IFT81: variants seen among roughly 807,000 people sequenced by gnomAD.
IFT81 encodes intraflagellar transport 81, also known as intraflagellar transport protein 81 homolog.
In IFT81, 72 loss-of-function variants were observed where a neutral mutation model predicts 102.6. The observed-to-expected ratio is 0.70, with a 90% CI of 0.58 to 0.85. The LOEUF is 0.85. IFT81 is among the 40% of genes least tolerant of loss of function. The probability of loss-of-function intolerance (pLI) is 0.00; values close to 1 mark genes in which losing one functional copy is unlikely to be tolerated. For missense variants in IFT81, 723 were observed against 787.3 expected, an observed-to-expected ratio of 0.92 and a Z score of 0.98; for synonymous variants, 237 against 242.7, an observed-to-expected ratio of 0.98 and a Z score of 0.22.
intron 9 of IFT81, among the ~76,000 whole-genome samples, chr12:110,146,468 A>T (rs1895230174): frequency 6.6e-6 from 1 of 152,232 alleles, no homozygotes; most frequent in African/African-American, 2.4e-5. Context: ...ATAACTTCAG[A>T]TTTTTAGAAA....
rs771215887 is a variant in IFT81 at position 110,143,513 on chromosome 12, G to A, written c.913G>A (p.Gly305Ser). 3.9e-6 allele frequency: 6 copies of A among 1,553,426 alleles called. No individual in the cohort carries two copies. The highest frequency in any genetic ancestry group is 5.2e-6 in the Non-Finnish European group (6 of 1,161,182). Reference sequence around the variant, plus strand: ...AAAAGTAGTTTCAGAGCCAGCTATGGGCCATTCTGATCTTCTTGAACTTGA... The same window carrying A: ...AAAAGTAGTTTCAGAGCCAGCTATGAGCCATTCTGATCTTCTTGAACTTGA... ...LQKVVSEPAM[G>S]HSDLLELESK... The change falls in exon 9 of 19, where the codon GGC becomes AGC. Residue 305 changes from glycine (G) to serine (S), a missense_variant. Coordinates refer to ENST00000242591, the MANE Select transcript of IFT81 (RefSeq NM_014055.4).
chr12:110,180,970 C>T (rs1331189212), intron 12 of IFT81, among the ~76,000 whole-genome samples: 1 of 152,204 alleles, frequency 6.6e-6, no homozygotes, highest in African/African-American at 2.4e-5. Flanking sequence ...GTGTGGAAGT[C>T]TGCCTCCAGG....
In IFT81 at chr12:110,218,353, T is replaced by G; in HGVS notation, c.*127T>G. 3.1e-6 allele frequency: 2 copies of G among 635,820 alleles called. No homozygotes were observed. Among genetic ancestry groups the G allele is most frequent in the Non-Finnish European group, 5.0e-6 (2 of 398,472 alleles). 39.4% of individuals were successfully genotyped at this position (635,820 alleles called of 1,614,324 possible). On this transcript the variant is annotated 3_prime_UTR_variant, in exon 19 of 19. Coordinates refer to ENST00000242591, the MANE Select transcript of IFT81 (RefSeq NM_014055.4). ...TTCAGAAGAGCCATTCTTTATTAAG[T>G]TTTCATAGAAAATAATGTTAAGGTA...
chr12:110,162,012 CT>C, intron 10 of IFT81, among the ~76,000 whole-genome samples: 1 of 152,312 alleles, frequency 6.6e-6, no homozygotes, highest in Admixed American at 6.5e-5. Context: ...ATATAAAATG[CT>C]GCTAAGAGTA....
At position 110,171,453 on chromosome 12, in the gene IFT81, G is replaced by A. The variant is rs540386233; in HGVS notation, c.1188+8388G>A. ...TTTCATTTAATACAGATTTCTACCC[G>A]CATATATCATATCGATTATTACAGA... On this transcript the variant is annotated intron_variant, in intron 11 of 18. Coordinates refer to ENST00000242591, the MANE Select transcript of IFT81 (RefSeq NM_014055.4). 8.8e-4 allele frequency among the ~76,000 whole-genome samples: 133 copies of A among 151,986 alleles called. 1 individual carries two copies. Among genetic ancestry groups the A allele is most frequent in the Non-Finnish European group, 1.9e-4 (13 of 68,002 alleles).
intron 18 of IFT81, among the ~76,000 whole-genome samples, chr12:110,210,603 G>A (rs1174610183): frequency 6.6e-6 from 1 of 151,412 alleles, no homozygotes; most frequent in African/African-American, 2.4e-5. Context: ...GCCAGGCAAG[G>A]TGGCATGCAC....
At chr12:110,176,027 A>T (rs1347325087) in intron 11 of IFT81, among the ~76,000 whole-genome samples, 1 of 150,938 alleles carries the variant, frequency 6.6e-6, no homozygotes, top group Non-Finnish European at 1.5e-5. Flanking sequence ...CCACATTTTC[A>T]CCCTCTGTGT....
intron 5 of IFT81, among the ~76,000 whole-genome samples, chr12:110,133,953 C>A (rs1894331467): frequency 6.6e-6 from 1 of 152,084 alleles, no homozygotes; most frequent in South Asian, 2.1e-4. Context: ...TTTATTCGGA[C>A]AAATCATCAG....
intron 17 of IFT81, among the ~76,000 whole-genome samples, chr12:110,205,934 T>C (rs899535819): frequency 2.0e-4 from 31 of 152,226 alleles, no homozygotes; most frequent in African/African-American, 6.8e-4. Flanking sequence ...CATTTTTAAG[T>C]GTACAGTTCA....
intron 11 of IFT81, chr12:110,168,459 A>G (rs1566138014): frequency 2.1e-6 from 2 of 962,408 alleles, no homozygotes; most frequent in African/African-American, 1.8e-5. Flanking sequence ...TTGTTTGCCA[A>G]TTCAACACAT....
intron 13 of IFT81, among the ~76,000 whole-genome samples, chr12:110,192,414 ACG>A (rs1897838359): frequency 6.6e-6 from 1 of 152,182 alleles, no homozygotes; most frequent in Non-Finnish European, 1.5e-5. Context: ...TTGAGAACTG[ACG>A]TTTTGAATGA....
rs869063652 is a variant in IFT81 at position 110,215,436 on chromosome 12, CTCT to C, written c.1849-2591_1849-2589del. ...TGAATTCCTTTCTTTTCTTTTTCTT[CTCT>C]TCTTCTTCTTCTTCTTTTTTTTTTT... On this transcript the variant is annotated intron_variant, in intron 18 of 18. Transcript: ENST00000242591. 4.3e-3 allele frequency among the ~76,000 whole-genome samples: 510 copies of C among 117,660 alleles called. 1 individual carries two copies. The highest frequency in any genetic ancestry group is 5.9e-3 in the African/African-American group (177 of 30,124). 77.2% of individuals were successfully genotyped at this position (117,660 alleles called of 152,430 possible).
chr12:110,175,581 G>A (rs953887383), intron 11 of IFT81, among the ~76,000 whole-genome samples: 77 of 152,258 alleles, frequency 5.1e-4, no homozygotes, highest in African/African-American at 1.7e-3. Context: ...TAAAAAACTC[G>A]TCCTTTAACA....
At chr12:110,211,476 C>T (rs946080189) in intron 18 of IFT81, among the ~76,000 whole-genome samples, 3 of 152,156 alleles carry the variant, frequency 2.0e-5, no homozygotes, top group Non-Finnish European at 2.9e-5. Flanking sequence ...CAGACATGAG[C>T]CACCTCGTCT....
chr12:110,134,055 C>T (rs2137315498), intron 5 of IFT81, among the ~76,000 whole-genome samples: 1 of 152,164 alleles, frequency 6.6e-6, no homozygotes, highest in South Asian at 2.1e-4. Flanking sequence ...GGGTGGAGTG[C>T]AATGGCGCAA....
At chr12:110,198,907 T>G (rs992945348) in intron 14 of IFT81, among the ~76,000 whole-genome samples, 1 of 152,098 alleles carries the variant, frequency 6.6e-6, no homozygotes, top group Admixed American at 6.5e-5. Context: ...TGTCCCGGGT[T>G]CAAGCCATTC....
intron 18 of IFT81, among the ~76,000 whole-genome samples, chr12:110,214,483 T>C (rs1044302514): frequency 5.3e-5 from 8 of 152,148 alleles, no homozygotes; most frequent in Non-Finnish European, 1.2e-4. Context: ...TAAGCCAATA[T>C]AAACTGGACA....
chr12:110,176,780 A>G (rs1210049906), intron 11 of IFT81, among the ~76,000 whole-genome samples: 2 of 152,256 alleles, frequency 1.3e-5, no homozygotes, highest in African/African-American at 4.8e-5. Context: ...TATATAATGA[A>G]TATCAAATAA....
At chr12:110,166,638 A>C (rs190825457) in intron 11 of IFT81, among the ~76,000 whole-genome samples, 4 of 151,776 alleles carry the variant, frequency 2.6e-5, no homozygotes, top group African/African-American at 4.8e-5. Flanking sequence ...AATTTTCCCA[A>C]AGTTACACAG....
Sources: gnomAD v4.1 joint callset for allele counts (sites outside exome capture counted in the v4.1 genomes callset) on GRCh38, gnomAD v4.1.1 for gene constraint, MANE v1.5 for transcripts, NCBI Gene and HGNC (gene_info 2026-07-23, HGNC 2026-07-21) for gene names.